Variants in SHROOM2 observed in about 807,000 individuals in gnomAD.
SHROOM2 encodes shroom family member 2, also known as protein Shroom2.
A neutral mutation model predicts 75.9 loss-of-function variants in SHROOM2; 33 were observed. The observed-to-expected ratio is 0.43, with a 90% confidence interval of 0.33 to 0.58. The LOEUF is 0.58. Ranked by LOEUF, SHROOM2 falls within the 20% of genes least tolerant of loss-of-function variation. SHROOM2 has a pLI of 0.04. For synonymous variants in SHROOM2, 655 were observed against 663.6 expected, an observed-to-expected ratio of 0.99 and a Z score of 0.20; for missense variants, 1,434 against 1,461.2, an observed-to-expected ratio of 0.98 and a Z score of 0.30.
intron 2 of SHROOM2, among the ~76,000 whole-genome samples, chrX:9,886,874 G>T (rs1308522069): frequency 8.9e-6 from 1 of 112,332 alleles, no homozygotes; most frequent in Non-Finnish European, 1.9e-5. Flanking sequence ...TGACTAAATG[G>T]CCAGCTGTTA....
chrX:9,938,951 T>A (rs181177441), intron 7 of SHROOM2, among the ~76,000 whole-genome samples: 1 of 112,810 alleles, frequency 8.9e-6, no homozygotes, highest in African/African-American at 3.2e-5. Flanking sequence ...TTCCTGCTTA[T>A]TTGAGTTTTT....
chrX:9,787,823 C>T, intron 1 of SHROOM2, among the ~76,000 whole-genome samples: 1 of 111,874 alleles, frequency 8.9e-6, no homozygotes, highest in Non-Finnish European at 1.9e-5. Flanking sequence ...TTTTGTTGAA[C>T]TCAGGAAAGA....
chrX:9,881,643 A>T (rs1439407664), intron 2 of SHROOM2, among the ~76,000 whole-genome samples: 6 of 112,276 alleles, frequency 5.3e-5, no homozygotes. Flanking sequence ...TTGTAATAGC[A>T]TTTCACTACT....
chrX:9,811,701 G>A (rs770432922), intron 1 of SHROOM2, among the ~76,000 whole-genome samples: 37 of 112,060 alleles, frequency 3.3e-4, no homozygotes, highest in African/African-American at 1.0e-3. Context: ...CCTTCGGGGT[G>A]TCGTAGAAAG....
intron 5 of SHROOM2, among the ~76,000 whole-genome samples, chrX:9,899,617 C>T (rs1034125874): frequency 1.6e-4 from 18 of 112,250 alleles, no homozygotes; most frequent in African/African-American, 5.8e-4. Context: ...GACTCTGCAA[C>T]GACAGGATTG....
At position 9,944,715 on chromosome X, in the gene SHROOM2, G is replaced by A; in HGVS notation, c.4386G>A (p.Val1462=). The part of the protein sequence containing the change: ...REARESLLED[V]QANTVLGAEV... ...CCCGCGAGAGCCTGCTGGAGGACGTGCAGGCCAACACCGTGCTGGGGGCCG... is the reference window on the plus strand; with the variant it reads ...CCCGCGAGAGCCTGCTGGAGGACGTACAGGCCAACACCGTGCTGGGGGCCG... Residue 1462 remains valine, a synonymous_variant, in exon 9 of 10, where the codon GTG becomes GTA. Transcript: ENST00000380913. 8.3e-7 allele frequency: 1 copy of A among 1,212,037 alleles called. No homozygotes were observed. The highest frequency in any genetic ancestry group is 1.1e-6 in the Non-Finnish European group (1 of 895,464).
At chrX:9,864,407 AC>A (rs1406745855) in intron 1 of SHROOM2, among the ~76,000 whole-genome samples, 1 of 111,292 alleles carries the variant, frequency 9.0e-6, no homozygotes, top group East Asian at 2.8e-4. Flanking sequence ...ATGGGCTCAC[AC>A]CTATAATACC....
intron 5 of SHROOM2, among the ~76,000 whole-genome samples, chrX:9,924,733 G>A (rs2084578244): frequency 8.9e-6 from 1 of 111,774 alleles, no homozygotes; most frequent in African/African-American, 3.3e-5. Flanking sequence ...ATGGCTCACT[G>A]CAACCTTGAA....
At chrX:9,921,665 G>A (rs2084546650) in intron 5 of SHROOM2, among the ~76,000 whole-genome samples, 1 of 112,016 alleles carries the variant, frequency 8.9e-6, no homozygotes, top group African/African-American at 3.2e-5. Flanking sequence ...CTATTTGAAA[G>A]TTTAAAATTC....
rs141507348 is a variant in SHROOM2, at chrX:9,936,505, G to A, written c.3588-629G>A. On this transcript the variant is annotated intron_variant, in intron 6 of 9. Transcript: ENST00000380913. ...TACTGCGAGATCGTATCTCACTGGT[G>A]TGCAAATCTGTGCAACGCTAGCTTG... Among the ~76,000 whole-genome samples the A allele has an allele frequency of 8.9e-3, 998 of 112,137 alleles. 12 individuals are homozygous for A. The highest frequency in any genetic ancestry group is 0.031 in the African/African-American group (941 of 30,830).
At chrX:9,787,195 A>G (rs2083619468) in intron 1 of SHROOM2, among the ~76,000 whole-genome samples, 1 of 112,077 alleles carries the variant, frequency 8.9e-6, no homozygotes, top group Admixed American at 9.4e-5. Flanking sequence ...ATCAATGTTT[A>G]CTGACTTTCG....
intron 7 of SHROOM2, among the ~76,000 whole-genome samples, chrX:9,938,438 A>G (rs2084736784): frequency 9.0e-6 from 1 of 110,736 alleles, no homozygotes; most frequent in African/African-American, 3.3e-5. Flanking sequence ...CTGTAGTCCC[A>G]GCTACTCGAG....
chrX:9,788,436 G>A (rs1167465340), intron 1 of SHROOM2, among the ~76,000 whole-genome samples: 1 of 111,683 alleles, frequency 9.0e-6, no homozygotes, highest in African/African-American at 3.3e-5. Context: ...TCATTTGAAA[G>A]CCTCATGGGA....
intron 1 of SHROOM2, among the ~76,000 whole-genome samples, chrX:9,866,035 G>A (rs1402170836): frequency 1.9e-5 from 2 of 107,235 alleles, no homozygotes; most frequent in African/African-American, 3.4e-5. Flanking sequence ...TGGATGCACC[G>A]CAACTCCCTT....
chrX:9,822,721 A>G (rs927270927), intron 1 of SHROOM2, among the ~76,000 whole-genome samples: 1 of 112,012 alleles, frequency 8.9e-6, no homozygotes, highest in African/African-American at 3.2e-5. Context: ...AGCTCTGCGG[A>G]GGGAATGGCC....
rs1031216071 is a variant in SHROOM2 at position 9,823,239 on chromosome X, C to T, written c.165+36529C>T. Among the ~76,000 whole-genome samples the T allele has an allele frequency of 7.3e-5, 7 of 96,386 alleles. 1 individual carries two copies. The highest frequency in any genetic ancestry group is 3.4e-4 in the East Asian group (1 of 2,955). The allele number at this position is 96,386 out of a possible 115,157, so 83.7% of individuals were successfully genotyped here. A position where few individuals can be genotyped will look rare whatever the true frequency, so the allele number is the denominator to read the frequency against. ...CCTCCTCCTCCTCCTCCTCCTTCTT[C>T]TCTTCTTCTTCTTCATATTTTTAGA... On this transcript the variant is annotated intron_variant, in intron 1 of 9. Coordinates refer to ENST00000380913, the MANE Select transcript of SHROOM2 (RefSeq NM_001649.4).
chrX:9,822,160 AAG>A (rs2083856483), intron 1 of SHROOM2, among the ~76,000 whole-genome samples: 1 of 111,851 alleles, frequency 8.9e-6, no homozygotes, highest in Non-Finnish European at 1.9e-5. Context: ...AGGCCTGGGA[AAG>A]AGTGTGTGTT....
In SHROOM2 at chrX:9,894,941, G is replaced by A. The variant is rs776566779; in HGVS notation, c.1033G>A (p.Ala345Thr). The change falls in exon 4 of 10, where the codon GCG becomes ACG. Residue 345 changes from alanine (A) to threonine (T), a missense_variant. Physicochemically the swap from Ala to Thr is moderately conservative, Grantham distance 58. Coordinates refer to ENST00000380913, the MANE Select transcript of SHROOM2 (RefSeq NM_001649.4). The stretch of plus-strand genomic sequence containing the variant: ...GGGCCCTGTGTTCTCAGAGGCGGCT[G>A]CGGCACAGCACTTTACGGCCCTGGC... ...AQGPVFSEAA[A>T]AQHFTALAQA... The A allele has an allele frequency of 1.1e-5, 13 of 1,211,019 alleles. No individual in the cohort carries two copies. Among genetic ancestry groups the A allele is most frequent in the Non-Finnish European group, 1.5e-5 (13 of 895,323 alleles).
intron 2 of SHROOM2, chrX:9,874,732 G>T (rs1211059073): frequency 1.8e-5 from 2 of 109,838 alleles, no homozygotes; most frequent in Admixed American, 2.0e-4. Context: ...TTTTTGAAGT[G>T]GGGGTGGGTG....
Sources: allele counts gnomAD v4.1 joint callset (sites outside exome capture counted in the v4.1 genomes callset), GRCh38; gene constraint gnomAD v4.1.1; transcripts MANE v1.5; gene names NCBI Gene and HGNC (gene_info 2026-07-23, HGNC 2026-07-21).